The following OLA1 variants were observed in gnomAD, a reference collection of about 807,000 sequenced individuals.
OLA1 encodes the protein obg-like ATPase 1.
In OLA1, 14 loss-of-function variants were observed where a neutral mutation model predicts 48.4. That is an observed-to-expected ratio of 0.29 (90% confidence interval 0.19 to 0.45). The LOEUF (loss-of-function observed/expected upper bound fraction) is 0.45, where lower values mean the gene tolerates loss of function less well. Ranked by LOEUF, OLA1 falls within the 20% of genes least tolerant of loss-of-function variation. The pLI is 1.00. For synonymous variants in OLA1, 127 were observed against 150.4 expected, an observed-to-expected ratio of 0.84 and a Z score of 1.14; for missense variants, 325 against 467.1, an observed-to-expected ratio of 0.70 and a Z score of 2.80.
intron 4 of OLA1, among the ~76,000 whole-genome samples, chr2:174,221,381 T>C (rs1388346355): frequency 6.6e-6 from 1 of 152,130 alleles, no homozygotes; most frequent in Non-Finnish European, 1.5e-5. Flanking sequence ...CCTAAATTGC[T>C]CCAGCCTGGA....
intron 7 of OLA1, among the ~76,000 whole-genome samples, chr2:174,098,880 T>C (rs766625501): frequency 3.9e-5 from 6 of 152,204 alleles, no homozygotes; most frequent in Non-Finnish European, 7.3e-5. Flanking sequence ...TTCTGTTGTA[T>C]TTACCTGTGA....
intron 7 of OLA1, among the ~76,000 whole-genome samples, chr2:174,105,950 C>G (rs1009091469): frequency 1.3e-5 from 2 of 152,030 alleles, no homozygotes; most frequent in African/African-American, 2.4e-5. Context: ...ACACACACAA[C>G]TATACAAGAA....
At chr2:174,145,536 T>C (rs552568911) in intron 4 of OLA1, among the ~76,000 whole-genome samples, 2 of 152,338 alleles carry the variant, frequency 1.3e-5, no homozygotes, top group South Asian at 4.1e-4. Flanking sequence ...AATTTGTCTA[T>C]GTCAAGAAGG....
chr2:174,151,877 G>A (rs1420342984), intron 4 of OLA1, among the ~76,000 whole-genome samples: 1 of 152,098 alleles, frequency 6.6e-6, no homozygotes, highest in Non-Finnish European at 1.5e-5. Context: ...GACGAGGGAC[G>A]AGGTATAAAA....
chr2:174,189,815 T>C (rs1687735030), intron 4 of OLA1, among the ~76,000 whole-genome samples: 1 of 148,644 alleles, frequency 6.7e-6, no homozygotes, highest in Non-Finnish European at 1.5e-5. Context: ...AAATGACATA[T>C]ATACTGAATT....
intron 4 of OLA1, among the ~76,000 whole-genome samples, chr2:174,215,588 T>C (rs1413135947): frequency 1.3e-5 from 2 of 152,206 alleles, no homozygotes; most frequent in Non-Finnish European, 2.9e-5. Flanking sequence ...ATGCCATGCA[T>C]GCATAAAATA....
chr2:174,072,997 T>G lies in OLA1; in HGVS notation c.*2429A>C, dbSNP rs911116527. 3 of 152,312 alleles carry G rather than the reference T, an allele frequency of 2.0e-5. No individual in the cohort carries two copies. The highest frequency in any genetic ancestry group is 2.9e-5 in the Non-Finnish European group (2 of 68,154). The allele number at this position is 152,312 out of a possible 1,614,324, so 9.4% of individuals were successfully genotyped here. Reference sequence around the variant, plus strand: ...AGCCTTCTCAAGTTTCTCTTTCTCTTTGGAGACAGGGTCTCACTCTGTTGC... The same window carrying G: ...AGCCTTCTCAAGTTTCTCTTTCTCTGTGGAGACAGGGTCTCACTCTGTTGC... On this transcript the variant is annotated 3_prime_UTR_variant, in exon 11 of 11. Transcript: ENST00000284719.
At chr2:174,099,162 T>TA (rs1685324723) in intron 7 of OLA1, among the ~76,000 whole-genome samples, 1 of 146,152 alleles carries the variant, frequency 6.8e-6, no homozygotes, top group South Asian at 2.1e-4. Context: ...TTTTATTTAT[T>TA]TTTTTTTTTT....
chr2:174,199,332 C>T (rs1196647010), intron 4 of OLA1, among the ~76,000 whole-genome samples: 3 of 152,088 alleles, frequency 2.0e-5, no homozygotes, highest in African/African-American at 7.2e-5. Context: ...ACCACACCAC[C>T]CAAAAACATT....
intron 7 of OLA1, among the ~76,000 whole-genome samples, chr2:174,101,369 T>C (rs1685393549): frequency 1.3e-5 from 2 of 152,270 alleles, no homozygotes; most frequent in South Asian, 4.1e-4. Flanking sequence ...GGTCTTTATA[T>C]TGTTCATTTG....
At chr2:174,151,935 GC>G (rs1277259614) in intron 4 of OLA1, among the ~76,000 whole-genome samples, 1 of 152,156 alleles carries the variant, frequency 6.6e-6, no homozygotes, top group Non-Finnish European at 1.5e-5. Flanking sequence ...TATAGTTTAA[GC>G]CCTGGTTTAC....
chr2:174,234,126 TCTC>T (rs1489044591), intron 2 of OLA1, among the ~76,000 whole-genome samples: 3 of 151,938 alleles, frequency 2.0e-5, no homozygotes, highest in African/African-American at 4.8e-5. Flanking sequence ...TCCACCTCCT[TCTC>T]CTCCTCAACC....
chr2:174,198,986 C>T (rs12620454), intron 4 of OLA1, among the ~76,000 whole-genome samples: 17,919 of 152,070 alleles, frequency 0.12, 1,364 homozygotes, highest in East Asian at 0.21. Flanking sequence ...ATAAACAACC[C>T]AGTTTCACCT....
In OLA1 at chr2:174,156,492, A is replaced by C. The variant is rs909391948; in HGVS notation, c.374-14492T>G. ...ACACTGAGCTGAGGAGTTGAAATTT[A>C]ATTTCTTAGATGAGAAAATTCTATG... On this transcript the variant is annotated intron_variant, in intron 4 of 10. Transcript: ENST00000284719. Among the ~76,000 whole-genome samples the C allele has an allele frequency of 3.3e-5, 5 of 151,622 alleles. No homozygotes were observed. The East Asian group carries it at 7.7e-4, about 23-fold the overall frequency.
chr2:174,115,544 T>G (rs2105362512), intron 7 of OLA1, among the ~76,000 whole-genome samples: 1 of 152,362 alleles, frequency 6.6e-6, no homozygotes, highest in African/African-American at 2.4e-5. Flanking sequence ...TTCAATGGTA[T>G]GTACTTAAAT....
chr2:174,190,944 CA>C (rs774971306), intron 4 of OLA1, among the ~76,000 whole-genome samples: 167 of 32,868 alleles, frequency 5.1e-3, no homozygotes, highest in Non-Finnish European at 6.9e-3. Flanking sequence ...GACTTCGTCT[CA>C]AAAAAAAAAA....
chr2:174,214,194 G>A (rs753786764), intron 4 of OLA1, among the ~76,000 whole-genome samples: 2 of 151,966 alleles, frequency 1.3e-5, no homozygotes, highest in African/African-American at 4.8e-5. Context: ...TTGGCCAGGC[G>A]TGGTGGTGCA....
intron 4 of OLA1, among the ~76,000 whole-genome samples, chr2:174,170,715 T>C (rs747779147): frequency 6.6e-6 from 1 of 152,122 alleles, no homozygotes; most frequent in Admixed American, 6.5e-5. Context: ...CGAGGCAACA[T>C]AGCAAGATCC....
At chr2:174,175,398 A>T (rs1451032756) in intron 4 of OLA1, among the ~76,000 whole-genome samples, 2 of 151,938 alleles carry the variant, frequency 1.3e-5, no homozygotes, top group Admixed American at 6.6e-5. Context: ...TCAAAATAAG[A>T]CAAACAATCC....
Sources: gnomAD v4.1 joint callset for allele counts (sites outside exome capture counted in the v4.1 genomes callset) on GRCh38, gnomAD v4.1.1 for gene constraint, MANE v1.5 for transcripts, NCBI Gene and HGNC (gene_info 2026-07-23, HGNC 2026-07-21) for gene names.